Variants in ESPL1 observed in about 807,000 individuals in gnomAD.
The protein encoded by ESPL1 is extra spindle pole bodies like 1, separase, also known as separin.
A neutral mutation model predicts 217.2 loss-of-function variants in ESPL1; 50 were observed. The observed-to-expected ratio is 0.23, with a 90% confidence interval of 0.18 to 0.29. ESPL1 has a LOEUF of 0.29. ESPL1 is among the 10% of genes least tolerant of loss of function. The probability of loss-of-function intolerance (pLI) is 1.00; values close to 1 mark genes in which losing one functional copy is unlikely to be tolerated. For missense variants in ESPL1, 1,834 were observed against 2,603.0 expected, an observed-to-expected ratio of 0.70 and a Z score of 6.43; for synonymous variants, 994 against 1,081.3, an observed-to-expected ratio of 0.92 and a Z score of 1.58.
chr12:53,278,487 T>TCA (rs1943808657), intron 11 of ESPL1, among the ~76,000 whole-genome samples: 2 of 9,368 alleles, frequency 2.1e-4, no homozygotes, highest in Non-Finnish European at 2.1e-3. Flanking sequence ...CGCTATTTCA[T>TCA]TAAAAAAAAA....
In ESPL1 at chr12:53,292,299, A is replaced by C. The variant is rs891314117; in HGVS notation, c.5818A>C (p.Ser1940Arg). 5 of 1,613,616 alleles carry C rather than the reference A, an allele frequency of 3.1e-6. No homozygotes were observed. The African/African-American group carries it at 4.0e-5, about 13-fold the overall frequency. ...TCAGTATGGGGCCTCGCCAGTGCTG[A>C]GTCAAGGGGTGGATCCACGAAGTAC... is the stretch of plus-strand genomic sequence containing the variant. ...IKEYGASPVL[S>R]QGVDPRSTFY... Residue 1940 changes from serine (S) to arginine (R), a missense_variant, in exon 28 of 31, where the codon AGT becomes CGT. This residue lies in a region of ESPL1 where 295 missense variants were observed against 519.8 expected (regional missense o/e 0.57). Transcript: ENST00000257934. The surrounding 1 kb of genome is among the most constrained non-coding windows in gnomAD (Gnocchi z 4.5).
In ESPL1 at chr12:53,281,598, G is replaced by T; in HGVS notation, c.2591G>T (p.Arg864Leu). 1 of 1,613,756 alleles carries T rather than the reference G, an allele frequency of 6.2e-7. No individual in the cohort carries two copies. Among genetic ancestry groups the T allele is most frequent in the Non-Finnish European group, 8.5e-7 (1 of 1,179,772 alleles). The change falls in exon 13 of 31, where the codon CGA becomes CTA. Residue 864 changes from arginine to leucine, a missense_variant. Coordinates refer to ENST00000257934, the MANE Select transcript of ESPL1 (RefSeq NM_012291.5). ...CTTTCCCTGACCTGTGATCTGCTTC[G>T]AAGTCAACTCTACTGGACTCACCAG... ...LLLSLTCDLL[R>L]SQLYWTHQKV...
In ESPL1 at chr12:53,289,562, G is replaced by A; in HGVS notation, c.5081G>A (p.Ser1694Asn). The change falls in exon 22 of 31, where the codon AGT (serine) becomes AAT (asparagine). Residue 1694 changes from serine to asparagine, a missense_variant. This residue lies in a region of ESPL1 where 681 missense variants were observed against 808.0 expected (regional missense o/e 0.84). Coordinates refer to ENST00000257934, the MANE Select transcript of ESPL1 (RefSeq NM_012291.5). ...CACTTCCCCCAGCCTGAAAAGGAGAGTTTCCAGGAGCGCCTGGCTCTGATC... is the reference window on the plus strand; with the variant it reads ...CACTTCCCCCAGCCTGAAAAGGAGAATTTCCAGGAGCGCCTGGCTCTGATC... Reference protein sequence around the residue: ...SGHFPQPEKESFQERLALIPS... With the variant: ...SGHFPQPEKENFQERLALIPS... The A allele has an allele frequency of 6.2e-7, 1 of 1,614,086 alleles. No individual in the cohort carries two copies. The highest frequency in any genetic ancestry group is 8.5e-7 in the Non-Finnish European group (1 of 1,180,034).
At chr12:53,291,088 A>T in intron 25 of ESPL1, 92 bp downstream of exon 25, 1 of 1,120,714 alleles carries the variant, frequency 8.9e-7, no homozygotes, top group South Asian at 1.7e-5. Context: ...GGATTGCTTG[A>T]GCTCAGGAGC....
intron 13 of ESPL1, 75 bp downstream of exon 13, chr12:53,281,701 G>C (rs1212085387): frequency 3.5e-6 from 5 of 1,428,154 alleles, no homozygotes; most frequent in Non-Finnish European, 4.9e-6. Context: ...TATTTGCCTG[G>C]CTTTTGAGAT....
rs144407191 is a variant in ESPL1 at position 53,271,715 on chromosome 12, C to T, written c.1369+917C>T. 1.8e-3 allele frequency among the ~76,000 whole-genome samples: 267 copies of T among 152,202 alleles called. 2 individuals carry two copies. Among genetic ancestry groups the T allele is most frequent in the African/African-American group, 5.9e-3 (244 of 41,524 alleles). On this transcript the variant is annotated intron_variant, in intron 5 of 30. Transcript: ENST00000257934. ...AAAGGAGAATTCTTCCCACAGAGTACTGAAGACTGACTTTATTTTCTCCCA... is the reference window on the plus strand; with the variant it reads ...AAAGGAGAATTCTTCCCACAGAGTATTGAAGACTGACTTTATTTTCTCCCA...
chr12:53,288,785 C>G, intron 20 of ESPL1, 86 bp downstream of exon 20: 2 of 1,317,702 alleles, frequency 1.5e-6, no homozygotes, highest in Non-Finnish European at 2.1e-6. Context: ...AGGCTGGGTT[C>G]GGATCTGGAT....
chr12:53,288,362 T>A (rs1181066448), intron 19 of ESPL1, 21 bp downstream of exon 19: 7 of 1,573,886 alleles, frequency 4.4e-6, no homozygotes, highest in Non-Finnish European at 6.0e-6. Context: ...AAGGGTGAGG[T>A]GGAAGGTGCA....
chr12:53,280,266 T>C (rs919534594), intron 12 of ESPL1, among the ~76,000 whole-genome samples: 2 of 152,182 alleles, frequency 1.3e-5, no homozygotes, highest in Non-Finnish European at 2.9e-5. Flanking sequence ...TGTAATCTCT[T>C]TCCTGCTTAA....
Position 53,293,273 on chromosome 12 carries a change from C to T in ESPL1, c.6162C>T (p.Cys2054=), listed in dbSNP as rs1271159189. The part of the protein sequence containing the change: ...GIVLKYIMAG[C]PLFLGNLWDV... ...GTATTTCCTCCTTTTCTTTTCCCAG[C>T]CCCTTGTTTCTGGGTAATCTCTGGG... The change falls in exon 31 of 31, where the codon TGC becomes TGT. Residue 2054 remains cysteine (C), a splice_region_variant and synonymous_variant. Transcript: ENST00000257934. This position sits in a 1 kb window ranked among gnomAD's most constrained non-coding sequence, Gnocchi z 4.2. 1.2e-6 allele frequency: 2 copies of T among 1,612,454 alleles called. No homozygotes were observed. Among genetic ancestry groups the T allele is most frequent in the East Asian group, 2.2e-5 (1 of 44,882 alleles).
Position 53,286,041 on chromosome 12 carries a change from G to C in ESPL1, c.3305G>C (p.Arg1102Thr). The C allele has an allele frequency of 6.2e-7, 1 of 1,608,560 alleles. No individual in the cohort carries two copies. The highest frequency in any genetic ancestry group is 1.1e-5 in the South Asian group (1 of 90,988). ...PQLPEEELFL[R>T]GPALELVATV... The stretch of plus-strand genomic sequence containing the variant: ...CTCCCAGAGGAGGAGCTCTTCCTAA[G>C]AGGCCCTGCTCTAGAGCTGGTGGCC... The change falls in exon 18 of 31, where the codon AGA becomes ACA. Residue 1102 changes from arginine to threonine, a missense_variant. Physicochemically the swap from Arg to Thr is moderately conservative, Grantham distance 71 (BLOSUM62 -1). Coordinates refer to ENST00000257934, the MANE Select transcript of ESPL1 (RefSeq NM_012291.5). This position sits in a 1 kb window ranked among gnomAD's most constrained non-coding sequence, Gnocchi z 5.3.
intron 3 of ESPL1, 138 bp from the exon 4 acceptor site, chr12:53,270,240 G>T (rs1943644756): frequency 1.1e-6 from 1 of 935,410 alleles, no homozygotes; most frequent in Non-Finnish European, 1.7e-6. Context: ...AGTCTATCCT[G>T]AGAGGGCAGT....
In ESPL1 at chr12:53,286,693, GC is replaced by G; in HGVS notation, c.3958del (p.Arg1320AlafsTer4). ...AGGGCCAAAAACGTTCTGGACGAGG[GC>G]GCCAAAAGTTAGCCTCTGCTCCCCT... ...TQGQKRSGRG[R>X]QKLASAPLRL... is the part of the protein sequence containing the mutation. On this transcript the variant is annotated frameshift_variant, in exon 18 of 31. Transcript: ENST00000257934. LOFTEE classifies it high-confidence loss of function. This position sits in a 1 kb window ranked among gnomAD's most constrained non-coding sequence, Gnocchi z 5.3. 6.2e-7 allele frequency: 1 copy of G among 1,614,128 alleles called. No individual in the cohort carries two copies.
Position 53,288,713 on chromosome 12 carries a change from C to T in ESPL1, c.4708+14C>T. On this transcript the variant is annotated intron_variant, in intron 20 of 30. Transcript: ENST00000257934. ...CCGTAGCCACTGGTGAATATGCGAC[C>T]CCTGATGTTGGTCACTTGGAGAGGG... 1 of 1,601,258 alleles carries T rather than the reference C, an allele frequency of 6.2e-7. No individual in the cohort carries two copies. Among genetic ancestry groups the T allele is most frequent in the South Asian group, 1.1e-5 (1 of 89,414 alleles).
intron 16 of ESPL1, among the ~76,000 whole-genome samples, 181 bp downstream of exon 16, chr12:53,283,719 C>T (rs1444939776): frequency 6.6e-6 from 1 of 152,140 alleles, no homozygotes; most frequent in Admixed American, 6.5e-5. Flanking sequence ...TTTTTATTTC[C>T]TGTAGGACTC....
chr12:53,284,442 G>A (rs1456883289), intron 17 of ESPL1, among the ~76,000 whole-genome samples: 1 of 151,920 alleles, frequency 6.6e-6, no homozygotes, highest in Non-Finnish European at 1.5e-5. Flanking sequence ...TTGTAGTAGA[G>A]ATGAGGTTTC....
chr12:53,286,924 C>T lies in ESPL1; in HGVS notation c.4176+12C>T. 1 of 1,574,920 alleles carries T rather than the reference C, an allele frequency of 6.3e-7. No homozygotes were observed. The highest frequency in any genetic ancestry group is 8.6e-7 in the Non-Finnish European group (1 of 1,161,314). On this transcript the variant is annotated intron_variant, in intron 18 of 30. Transcript: ENST00000257934. The surrounding 1 kb of genome is among the most constrained non-coding windows in gnomAD (Gnocchi z 5.3). Reference sequence around the variant, plus strand: ...AGACGCGCCTCAAGGTGAGGTGGGACTGTTGCTAGGTGGTGGTGATGGTGT... The same window carrying T: ...AGACGCGCCTCAAGGTGAGGTGGGATTGTTGCTAGGTGGTGGTGATGGTGT...
At position 53,292,249 on chromosome 12, in the gene ESPL1, C is replaced by T. The variant is rs1364460645; in HGVS notation, c.5797-29C>T. 2.9e-5 allele frequency: 44 copies of T among 1,542,520 alleles called. No individual in the cohort carries two copies. The highest frequency in any genetic ancestry group is 3.7e-5 in the Non-Finnish European group (41 of 1,114,918). On this transcript the variant is annotated intron_variant, in intron 27 of 30. Coordinates refer to ENST00000257934, the MANE Select transcript of ESPL1 (RefSeq NM_012291.5). This position sits in a 1 kb window ranked among gnomAD's most constrained non-coding sequence, Gnocchi z 4.5. ...AGCTTGGGCCTCTTGGTGAGACAAG[C>T]ATCCTAATCGCCAGTGTCTCCTCCT...
At position 53,293,504 on chromosome 12, in the gene ESPL1, A is replaced by G; in HGVS notation, c.*30A>G. On this transcript the variant is annotated 3_prime_UTR_variant, in exon 31 of 31. Coordinates refer to ENST00000257934, the MANE Select transcript of ESPL1 (RefSeq NM_012291.5). The surrounding 1 kb of genome is among the most constrained non-coding windows in gnomAD (Gnocchi z 4.2). ...ATGGAGCTGTCTTATTGATGCTAGA[A>G]GCCTCATAACTGTTCTACCTCCAAG... 6.5e-7 allele frequency: 1 copy of G among 1,538,044 alleles called. No homozygotes were observed. The highest frequency in any genetic ancestry group is 9.0e-7 in the Non-Finnish European group (1 of 1,111,366).
Sources: gnomAD v4.1 joint callset for allele counts (sites outside exome capture counted in the v4.1 genomes callset) on GRCh38, gnomAD v4.1.1 for gene constraint, gnomAD v4.1.1 regional missense constraint, Gnocchi (gnomAD v3.1) non-coding constraint, MANE v1.5 for transcripts, NCBI Gene and HGNC (gene_info 2026-07-23, HGNC 2026-07-21) for gene names.